Variants in NSD2 observed in about 807,000 individuals in gnomAD.
The protein encoded by NSD2 is histone-lysine N-methyltransferase NSD2.
NSD2 carries 12 observed loss-of-function variants against 139.0 expected under a neutral mutation model. The observed-to-expected ratio is 0.09, with a 90% CI of 0.06 to 0.14. The LOEUF (loss-of-function observed/expected upper bound fraction) is 0.14. Among genes scored for constraint, NSD2 ranks in the 10% least tolerant of loss-of-function variants. The probability of loss-of-function intolerance (pLI) is 1.00; values close to 1 mark genes in which losing one functional copy is unlikely to be tolerated. For synonymous variants in NSD2, 669 were observed against 648.7 expected, an observed-to-expected ratio of 1.03 and a Z score of -0.48; for missense variants, 1,155 against 1,745.0, an observed-to-expected ratio of 0.66 and a Z score of 6.02.
intron 9 of NSD2, chr4:1,946,126 A>G: frequency 9.7e-7 from 1 of 1,028,780 alleles, no homozygotes. Context: ...TATCTTTGAG[A>G]TGATAAAGCT....
Position 1,980,392 on chromosome 4 carries a change from C to G in NSD2, c.*1483C>G, listed in dbSNP as rs1233812922. 4.3e-6 allele frequency: 1 copy of G among 233,148 alleles called. No homozygotes were observed. The highest frequency in any genetic ancestry group is 8.5e-6 in the Non-Finnish European group (1 of 118,040). 14.4% of individuals were successfully genotyped at this position (233,148 alleles called of 1,614,324 possible). On this transcript the variant is annotated 3_prime_UTR_variant, in exon 22 of 22. Transcript: ENST00000508803. ...GTCTGGGAGGGAGGGAGAGAACATT[C>G]AGCAGCAGGTGCTTTTTTATGGCCT...
intron 17 of NSD2, among the ~76,000 whole-genome samples, chr4:1,960,815 T>G (rs1725289697): frequency 6.6e-6 from 1 of 151,948 alleles, no homozygotes; most frequent in Non-Finnish European, 1.5e-5. Context: ...ATATTGCCAC[T>G]TCGTGAATAC....
rs961287431 is a variant in NSD2 at position 1,945,552 on chromosome 4, C to G, written c.1882-5520C>G. 3 of 1,065,244 alleles carry G rather than the reference C, an allele frequency of 2.8e-6. No homozygotes were observed. The African/African-American group carries it at 4.9e-5, about 17-fold the overall frequency. The allele number at this position is 1,065,244 out of a possible 1,614,324, so 66.0% of individuals were successfully genotyped here. On this transcript the variant is annotated intron_variant, in intron 9 of 21. Transcript: ENST00000508803. ...AAATTAAGATGATAAGAAAGTGCTC[C>G]TGAGAAGGCTCTTGCCAGAAGCCTG...
intron 1 of NSD2, among the ~76,000 whole-genome samples, chr4:1,877,149 A>C (rs1560541178): frequency 1.3e-5 from 2 of 152,134 alleles, no homozygotes; most frequent in Non-Finnish European, 2.9e-5. Context: ...GGAAAAAAAA[A>C]AAATTGTTAT....
intron 3 of NSD2, among the ~76,000 whole-genome samples, chr4:1,904,833 CAT>C: frequency 6.6e-6 from 1 of 152,132 alleles, no homozygotes; most frequent in African/African-American, 2.4e-5. Context: ...GCTGATGTAA[CAT>C]ATTAAGAATG....
At chr4:1,937,351 G>A (rs532554486) in intron 7 of NSD2, among the ~76,000 whole-genome samples, 1 of 152,262 alleles carries the variant, frequency 6.6e-6, no homozygotes, top group African/African-American at 2.4e-5. Flanking sequence ...ACTGCGGCTG[G>A]CCAGGTTACC....
Position 1,974,643 on chromosome 4 carries a change from C to A in NSD2, c.3373-220C>A. The A allele has an allele frequency of 1.4e-6, 1 of 738,926 alleles. No homozygotes were observed. Among genetic ancestry groups the A allele is most frequent in the Non-Finnish European group, 2.4e-6 (1 of 408,282 alleles). 45.8% of individuals were successfully genotyped at this position (738,926 alleles called of 1,614,324 possible). A position where few individuals can be genotyped will look rare whatever the true frequency, so the allele number is the denominator to read the frequency against. ...CCTGTCCTGTCCTCCCCGGCGCTCA[C>A]TAAGGCTCGGTCCTCTCCACGTGGT... On this transcript the variant is annotated intron_variant, in intron 18 of 21. Transcript: ENST00000508803. This position sits in a 1 kb window ranked among gnomAD's most constrained non-coding sequence, Gnocchi z 4.0.
Position 1,904,230 on chromosome 4 carries a change from A to G in NSD2, c.612A>G (p.Lys204=), listed in dbSNP as rs763413199. The G allele has an allele frequency of 9.3e-6, 15 of 1,612,806 alleles. No homozygotes were observed. The highest frequency in any genetic ancestry group is 5.1e-6 in the Non-Finnish European group (6 of 1,179,374). ...SPSDKKIPAK[K]ESCPNTGRDK... is the part of the protein sequence containing the mutation. The stretch of plus-strand genomic sequence containing the variant: ...TTCATTTTCAGATTCCAGCTAAGAA[A>G]GAGTCTTGTCCAAACACTGGAAGAG... The change falls in exon 3 of 22, where the codon AAA becomes AAG. Residue 204 remains lysine (K), a synonymous_variant. Transcript: ENST00000508803.
At chr4:1,891,361 C>A (rs1715526362) in intron 1 of NSD2, among the ~76,000 whole-genome samples, 1 of 152,154 alleles carries the variant, frequency 6.6e-6, no homozygotes, top group Admixed American at 6.6e-5. Flanking sequence ...TCTTTTCCGC[C>A]CCCGGAGGAA....
rs114422098 is a variant in NSD2, at chr4:1,964,978, C to G, written c.3372+3827C>G. 4.7e-3 allele frequency among the ~76,000 whole-genome samples: 690 copies of G among 147,966 alleles called. 1 individual carries two copies. The highest frequency in any genetic ancestry group is 0.016 in the African/African-American group (638 of 40,176). On this transcript the variant is annotated intron_variant, in intron 18 of 21. Coordinates refer to ENST00000508803, the MANE Select transcript of NSD2 (RefSeq NM_001042424.3). ...AAATAAAAATAACAAAAACAGCAAACCTAGGGCAAGGGGAGGAAGAATCTA... is the reference window on the plus strand; with the variant it reads ...AAATAAAAATAACAAAAACAGCAAAGCTAGGGCAAGGGGAGGAAGAATCTA...
chr4:1,878,508 G>A (rs13117796), intron 1 of NSD2, among the ~76,000 whole-genome samples: 28,044 of 151,624 alleles, frequency 0.18, 3,215 homozygotes, highest in Non-Finnish European at 0.24. Flanking sequence ...TGAATTCCTG[G>A]CTGCATTGGG....
Position 1,976,619 on chromosome 4 carries a change from C to T in NSD2, c.3766C>T (p.Arg1256Cys), listed in dbSNP as rs1024380548. 1 of 1,608,746 alleles carries T rather than the reference C, an allele frequency of 6.2e-7. No homozygotes were observed. Among genetic ancestry groups the T allele is most frequent in the Non-Finnish European group, 8.5e-7 (1 of 1,177,710 alleles). Residue 1256 changes from arginine (R) to cysteine (C), a missense_variant, in exon 21 of 22, where the codon CGC becomes TGC. Around this residue, in one of 8 missense-constraint regions of NSD2, gnomAD observed 25 missense variants for 75.1 expected, o/e 0.33. Coordinates refer to ENST00000508803, the MANE Select transcript of NSD2 (RefSeq NM_001042424.3). This position sits in a 1 kb window ranked among gnomAD's most constrained non-coding sequence, Gnocchi z 5.3. ...TGGCGGGCAGCTGGTGCTGTGTGAC[C>T]GCAAGTTCTGCACCAAGGCCTACCA... ...GDGGQLVLCD[R>C]KFCTKAYHLS...
rs548415494 is a variant in NSD2 at position 1,938,729 on chromosome 4, G to A, written c.1756+197G>A. 5.3e-5 allele frequency among the ~76,000 whole-genome samples: 8 copies of A among 152,188 alleles called. No individual in the cohort carries two copies. In the East Asian group the frequency reaches 1.4e-3, roughly 26 times the overall value. On this transcript the variant is annotated intron_variant, in intron 8 of 21. Transcript: ENST00000508803. ...GTTGAAAACTAAACTGTTTTAATGTGTATGTTATTTTGAAGGGTTTGGCTA... is the reference window on the plus strand; with the variant it reads ...GTTGAAAACTAAACTGTTTTAATGTATATGTTATTTTGAAGGGTTTGGCTA...
At chr4:1,912,995 A>G (rs559475329) in intron 3 of NSD2, among the ~76,000 whole-genome samples, 16 of 152,254 alleles carry the variant, frequency 1.1e-4, no homozygotes, top group Non-Finnish European at 2.4e-4. Flanking sequence ...GAATAGTTAT[A>G]TTAGACATAG....
chr4:1,872,180 C>T (rs1335516529), intron 1 of NSD2, among the ~76,000 whole-genome samples: 2 of 152,032 alleles, frequency 1.3e-5, no homozygotes, highest in African/African-American at 2.4e-5. Context: ...GCGGTCCGGC[C>T]CTTGGCAGGT....
intron 12 of NSD2, 85 bp downstream of exon 12, chr4:1,953,609 G>T: frequency 6.8e-7 from 1 of 1,471,266 alleles, no homozygotes; most frequent in Non-Finnish European, 9.0e-7. Flanking sequence ...GTGGGCTGTT[G>T]GGATTGTCAC....
chr4:1,873,938 A>G (rs1230422963), intron 1 of NSD2, among the ~76,000 whole-genome samples: 1 of 152,192 alleles, frequency 6.6e-6, no homozygotes. Flanking sequence ...ATCATGGTGC[A>G]CTTCAGTCCC....
chr4:1,891,588 C>A (rs1022314188), intron 1 of NSD2, among the ~76,000 whole-genome samples: 1 of 152,144 alleles, frequency 6.6e-6, no homozygotes, highest in Non-Finnish European at 1.5e-5. Context: ...CACGGTGGCT[C>A]ATGCCTGTAA....
chr4:1,950,551 G>T (rs1341850423), intron 9 of NSD2, among the ~76,000 whole-genome samples: 1 of 152,204 alleles, frequency 6.6e-6, no homozygotes, highest in Non-Finnish European at 1.5e-5. Flanking sequence ...CCCCCGCGTA[G>T]GCACATACTT....
Sources: allele counts gnomAD v4.1 joint callset (sites outside exome capture counted in the v4.1 genomes callset), GRCh38; gene constraint gnomAD v4.1.1; regional missense constraint gnomAD v4.1.1; non-coding constraint Gnocchi (gnomAD v3.1); transcripts MANE v1.5; gene names NCBI Gene and HGNC (gene_info 2026-07-23, HGNC 2026-07-21).